Variants in ORC3 observed in about 807,000 individuals in gnomAD.
The protein encoded by ORC3 is homolog of latheo, Drosophila.
A neutral mutation model predicts 100.7 loss-of-function variants in ORC3; 78 were observed. The ratio of observed to expected loss-of-function variants is 0.77; its 90% CI spans 0.65 to 0.94. ORC3 has a LOEUF of 0.94. Ranked by LOEUF, ORC3 falls within the 40% of genes least tolerant of loss-of-function variation. The probability of loss-of-function intolerance (pLI) is 0.00; values close to 1 mark genes in which losing one functional copy is unlikely to be tolerated. For synonymous variants in ORC3, 295 were observed against 289.3 expected, an observed-to-expected ratio of 1.02 and a Z score of -0.20; for missense variants, 789 against 823.9, an observed-to-expected ratio of 0.96 and a Z score of 0.52.
chr6:87,664,243 T>C (rs1770426689), intron 17 of ORC3, among the ~76,000 whole-genome samples: 1 of 152,014 alleles, frequency 6.6e-6, no homozygotes, highest in African/African-American at 2.4e-5. Context: ...GGATTTCAAA[T>C]AGGTTGAAGA....
chr6:87,618,603 A>G lies in ORC3; in HGVS notation c.987+2176A>G, dbSNP rs1454921082. Among the ~76,000 whole-genome samples, 4 of 152,210 alleles carry G rather than the reference A, an allele frequency of 2.6e-5. 1 individual carries two copies. Among genetic ancestry groups the G allele is most frequent in the Non-Finnish European group, 5.9e-5 (4 of 68,032 alleles). On this transcript the variant is annotated intron_variant, in intron 9 of 19. Coordinates refer to ENST00000392844, the MANE Select transcript of ORC3 (RefSeq NM_012381.4). Reference sequence around the variant, plus strand: ...GGTCAGAATTTCAGGCAAAAGCAACAGTAGGGGAAGAGAGATCTGTTAGAA... The same window carrying G: ...GGTCAGAATTTCAGGCAAAAGCAACGGTAGGGGAAGAGAGATCTGTTAGAA...
chr6:87,610,164 G>A (rs1272219277), intron 7 of ORC3, among the ~76,000 whole-genome samples: 1 of 151,950 alleles, frequency 6.6e-6, no homozygotes, highest in Non-Finnish European at 1.5e-5. Flanking sequence ...AGCTACATTT[G>A]CCTAAAGCTA....
At position 87,665,782 on chromosome 6, in the gene ORC3, A is replaced by G. The variant is rs767862704; in HGVS notation, c.1979A>G (p.Glu660Gly). ...TTTGCAACAGTTGTGACAGCTGCTG[A>G]AAAAATGGATGCAAATTCTGCAACC... ...EAFATVVTAA[E>G]KMDANSATSE... Residue 660 changes from glutamate to glycine, a missense_variant, in exon 19 of 20, where the codon GAA becomes GGA. Physicochemically the swap from Glu to Gly is moderately conservative, Grantham distance 98. Around this residue, in one of 3 missense-constraint regions of ORC3, gnomAD observed 366 missense variants for 394.2 expected, o/e 0.93. Transcript: ENST00000392844. 6 of 1,611,282 alleles carry G rather than the reference A, an allele frequency of 3.7e-6. No individual in the cohort carries two copies. The East Asian group carries it at 1.3e-4, about 36-fold the overall frequency.
At chr6:87,641,622 A>C (rs924144996) in intron 13 of ORC3, among the ~76,000 whole-genome samples, 2 of 152,188 alleles carry the variant, frequency 1.3e-5, no homozygotes, top group Non-Finnish European at 2.9e-5. Context: ...AGACTTACAA[A>C]TCGAAGGTGA....
chr6:87,616,840 G>A (rs1045067063), intron 9 of ORC3, among the ~76,000 whole-genome samples: 8 of 150,504 alleles, frequency 5.3e-5, no homozygotes, highest in African/African-American at 2.0e-4. Flanking sequence ...TCACTTTGTT[G>A]CCCAGGCTGG....
At chr6:87,590,386 C>A (rs187795985) in intron 1 of ORC3, among the ~76,000 whole-genome samples, 194 bp downstream of exon 1, 2 of 152,184 alleles carry the variant, frequency 1.3e-5, no homozygotes, top group African/African-American at 2.4e-5. Flanking sequence ...GCGGATCTGC[C>A]TTGTGGTATG....
At chr6:87,603,314 C>A (rs1778101600) in intron 3 of ORC3, 70 bp from the exon 4 acceptor site, 1 of 825,590 alleles carries the variant, frequency 1.2e-6, no homozygotes, top group Non-Finnish European at 1.7e-6. Flanking sequence ...TGACAATTTT[C>A]TTTCCACAAC....
chr6:87,601,619 C>T (rs961539604), intron 2 of ORC3, among the ~76,000 whole-genome samples, 165 bp from the exon 3 acceptor site: 17 of 151,956 alleles, frequency 1.1e-4, no homozygotes, highest in Non-Finnish European at 1.5e-4. Context: ...TCGCACTGAG[C>T]CAACATCATG....
At chr6:87,621,919 CTT>C (rs1779560855) in intron 10 of ORC3, 29 bp from the exon 11 acceptor site, 1 of 1,508,324 alleles carries the variant, frequency 6.6e-7, no homozygotes, top group Non-Finnish European at 9.2e-7. Flanking sequence ...TTAATTTTCT[CTT>C]TTTATGTATG....
At chr6:87,594,275 C>A in intron 1 of ORC3, 78 bp from the exon 2 acceptor site, 2 of 985,338 alleles carry the variant, frequency 2.0e-6, no homozygotes, top group Non-Finnish European at 3.1e-6. Flanking sequence ...AAGTGCTTAC[C>A]CATAAAATAT....
chr6:87,643,081 T>G (rs1038088640), intron 13 of ORC3, among the ~76,000 whole-genome samples: 6 of 152,148 alleles, frequency 3.9e-5, no homozygotes, highest in Admixed American at 3.3e-4. Context: ...GACAGAATTG[T>G]TAAAGCTCTC....
the ORC3 span, among the ~76,000 whole-genome samples, chr6:87,676,735 G>C: frequency 6.6e-6 from 1 of 151,226 alleles, no homozygotes; most frequent in African/African-American, 2.4e-5. Flanking sequence ...AGCCAAGATC[G>C]TGCCACTGCA....
the ORC3 span, among the ~76,000 whole-genome samples, chr6:87,676,803 A>G: frequency 1.2e-3 from 178 of 147,056 alleles, no homozygotes; most frequent in African/African-American, 1.8e-3. Flanking sequence ...TTGGCCGGGC[A>G]TGGTGGCTTA....
At chr6:87,612,781 T>A (rs1237680324) in intron 8 of ORC3, among the ~76,000 whole-genome samples, 1 of 152,078 alleles carries the variant, frequency 6.6e-6, no homozygotes, top group Non-Finnish European at 1.5e-5. Flanking sequence ...CCTGGCTAAT[T>A]TGTATTTTTA....
intron 13 of ORC3, among the ~76,000 whole-genome samples, chr6:87,643,778 ACTGT>A (rs1445410680): frequency 6.6e-6 from 1 of 152,130 alleles, no homozygotes; most frequent in Non-Finnish European, 1.5e-5. Flanking sequence ...GTCATCCATC[ACTGT>A]CTGTGGGGGA....
chr6:87,675,311 G>A, the ORC3 span: 1 of 475,298 alleles, frequency 2.1e-6, no homozygotes, highest in Non-Finnish European at 3.8e-6. Context: ...TAGAATACCA[G>A]CTTTAATCCT....
intron 7 of ORC3, among the ~76,000 whole-genome samples, chr6:87,611,739 A>C (rs890639485): frequency 6.6e-6 from 1 of 151,792 alleles, no homozygotes; most frequent in African/African-American, 2.4e-5. Context: ...CCGAGATTGC[A>C]CCACTGCACT....
intron 17 of ORC3, 100 bp from the exon 18 acceptor site, chr6:87,664,643 T>A: frequency 1.2e-6 from 1 of 849,618 alleles, no homozygotes; most frequent in East Asian, 2.6e-5. Flanking sequence ...AGATTCCATT[T>A]ACTGGTTTAC....
chr6:87,603,609 A>G, intron 4 of ORC3, 81 bp downstream of exon 4: 2 of 818,032 alleles, frequency 2.4e-6, no homozygotes, highest in Non-Finnish European at 3.7e-6. Flanking sequence ...AGAATAGTGG[A>G]AGGACCTGTT....
Sources: gnomAD v4.1 joint callset for allele counts (sites outside exome capture counted in the v4.1 genomes callset) on GRCh38, gnomAD v4.1.1 for gene constraint, gnomAD v4.1.1 regional missense constraint, MANE v1.5 for transcripts, NCBI Gene and HGNC (gene_info 2026-07-23, HGNC 2026-07-21) for gene names.